ESRRG: variants seen among roughly 807,000 people sequenced by gnomAD.
ESRRG encodes estrogen related receptor gamma.
ESRRG carries 13 observed loss-of-function variants against 44.0 expected under a neutral mutation model. That is an observed-to-expected ratio of 0.30 (90% CI 0.19 to 0.47). ESRRG has a LOEUF of 0.47. Ranked by LOEUF, ESRRG falls within the 20% of genes least tolerant of loss-of-function variation. The pLI is 1.00. For synonymous variants in ESRRG, 215 were observed against 214.6 expected (o/e 1.00, Z -0.02); for missense variants, 395 against 580.6 (o/e 0.68, Z 3.29).
chr1:216,682,248 A>G (rs2077154107), intron 1 of ESRRG, among the ~76,000 whole-genome samples: 1 of 152,194 alleles, frequency 6.6e-6, no homozygotes, highest in South Asian at 2.1e-4. Context: ...AGATCTTCTC[A>G]TGTGTTATAC....
intron 1 of ESRRG, among the ~76,000 whole-genome samples, chr1:216,942,421 T>C (rs1355006232): frequency 6.6e-6 from 1 of 152,178 alleles, no homozygotes; most frequent in Non-Finnish European, 1.5e-5. Context: ...TTCCTTTGAG[T>C]ATATATCCAG....
intron 1 of ESRRG, among the ~76,000 whole-genome samples, chr1:217,075,592 C>CT (rs1558210263): frequency 6.8e-6 from 1 of 147,506 alleles, no homozygotes; most frequent in African/African-American, 2.5e-5. Context: ...GCTCCTTTCC[C>CT]CCCCCCAACA....
chr1:216,797,766 G>A (rs528109985), intron 2 of ESRRG, among the ~76,000 whole-genome samples: 1 of 152,152 alleles, frequency 6.6e-6, no homozygotes, highest in South Asian at 2.1e-4. Context: ...ACTTAATACT[G>A]TTGATGCTGA....
At chr1:216,790,379 T>A (rs1489566637) in intron 2 of ESRRG, among the ~76,000 whole-genome samples, 1 of 152,118 alleles carries the variant, frequency 6.6e-6, no homozygotes, top group Non-Finnish European at 1.5e-5. Flanking sequence ...TATATTTGCT[T>A]TTTTTAACCT....
chr1:216,933,310 G>A (rs980271677), intron 2 of ESRRG, among the ~76,000 whole-genome samples: 4 of 152,070 alleles, frequency 2.6e-5, no homozygotes, highest in Non-Finnish European at 4.4e-5. Context: ...TTAATGAGAT[G>A]GAGCCACTTT....
intron 1 of ESRRG, among the ~76,000 whole-genome samples, chr1:217,126,091 G>A (rs1215826207): frequency 6.6e-6 from 1 of 152,134 alleles, no homozygotes; most frequent in African/African-American, 2.4e-5. Flanking sequence ...CTTGTTATCA[G>A]AGGCCTAGCT....
chr1:216,832,710 T>C (rs1381234167), intron 2 of ESRRG, among the ~76,000 whole-genome samples: 2 of 152,136 alleles, frequency 1.3e-5, no homozygotes, highest in Non-Finnish European at 2.9e-5. Flanking sequence ...ATGCCGGTAA[T>C]ACTAACACTT....
chr1:216,512,848 A>G (rs2148811320), intron 6 of ESRRG, among the ~76,000 whole-genome samples: 1 of 152,276 alleles, frequency 6.6e-6, no homozygotes, highest in Admixed American at 6.5e-5. Flanking sequence ...AATGAAAGCA[A>G]GTGTCCTTGG....
At chr1:216,588,343 G>T (rs952185158) in intron 3 of ESRRG, among the ~76,000 whole-genome samples, 2 of 152,056 alleles carry the variant, frequency 1.3e-5, no homozygotes, top group African/African-American at 4.8e-5. Context: ...AAGATCTGAG[G>T]GTTAGGAGCT....
intron 3 of ESRRG, 57 bp from the exon 4 acceptor site, chr1:216,568,155 C>A: frequency 1.7e-6 from 2 of 1,173,906 alleles, no homozygotes; most frequent in Non-Finnish European, 1.3e-6. Context: ...TGAGACCAAT[C>A]AAATACCTAG....
chr1:216,596,090 T>G (rs886886681), intron 3 of ESRRG, among the ~76,000 whole-genome samples: 1 of 152,196 alleles, frequency 6.6e-6, no homozygotes, highest in East Asian at 1.9e-4. Flanking sequence ...TGGGGTCAAC[T>G]GGCTCACTGA....
intron 1 of ESRRG, among the ~76,000 whole-genome samples, chr1:217,007,805 C>G (rs1350555352): frequency 6.6e-6 from 1 of 152,054 alleles, no homozygotes; most frequent in Non-Finnish European, 1.5e-5. Flanking sequence ...ATATGCCAAA[C>G]ACTGTTCTAG....
At chr1:217,029,441 G>A (rs2081712577) in intron 1 of ESRRG, among the ~76,000 whole-genome samples, 1 of 152,196 alleles carries the variant, frequency 6.6e-6, no homozygotes, top group Non-Finnish European at 1.5e-5. Flanking sequence ...GGGAGGCCCA[G>A]GTGAAGCAGG....
At chr1:216,731,207 T>G (rs2088701576) in intron 2 of ESRRG, among the ~76,000 whole-genome samples, 1 of 152,234 alleles carries the variant, frequency 6.6e-6, no homozygotes, top group East Asian at 1.9e-4. Flanking sequence ...ATTAAGGATT[T>G]TAAGTACTTT....
At chr1:216,946,474 C>T (rs2066073786) in intron 1 of ESRRG, among the ~76,000 whole-genome samples, 1 of 152,184 alleles carries the variant, frequency 6.6e-6, no homozygotes, top group African/African-American at 2.4e-5. Flanking sequence ...ACACCACACC[C>T]ACATCTGCAT....
chr1:216,920,223 C>T (rs181490088), intron 2 of ESRRG, among the ~76,000 whole-genome samples: 1 of 152,256 alleles, frequency 6.6e-6, no homozygotes, highest in Non-Finnish European at 1.5e-5. Context: ...GACGTAAAGC[C>T]TTCTTTAAAA....
chr1:217,105,861 A>G (rs2092586906), intron 1 of ESRRG, among the ~76,000 whole-genome samples: 1 of 152,146 alleles, frequency 6.6e-6, no homozygotes, highest in South Asian at 2.1e-4. Context: ...TCCTAGGTGA[A>G]AACGTTGGAG....
At chr1:216,972,087 AATAG>A (rs1471930819) in intron 1 of ESRRG, among the ~76,000 whole-genome samples, 3 of 152,280 alleles carry the variant, frequency 2.0e-5, no homozygotes, top group African/African-American at 7.2e-5. Context: ...TTTTTCCATT[AATAG>A]ATAGTTCAAC....
chr1:216,805,483 A>G (rs1352054041), intron 2 of ESRRG: 1 of 152,214 alleles, frequency 6.6e-6, no homozygotes, highest in Non-Finnish European at 1.5e-5. Context: ...ACACGATACC[A>G]TGAACCTATG....
Sources: gnomAD v4.1 joint callset for allele counts (sites outside exome capture counted in the v4.1 genomes callset) on GRCh38, gnomAD v4.1.1 for gene constraint, MANE v1.5 for transcripts, NCBI Gene and HGNC (gene_info 2026-07-23, HGNC 2026-07-21) for gene names.